ATL1: variants seen among roughly 807,000 people sequenced by gnomAD.
ATL1 encodes atlastin-1.
ATL1 carries 31 observed loss-of-function variants against 75.5 expected under a neutral mutation model. The ratio of observed to expected loss-of-function variants is 0.41; its 90% CI spans 0.31 to 0.55. ATL1 has a LOEUF of 0.55. Among genes scored for constraint, ATL1 ranks in the 20% least tolerant of loss-of-function variants. The probability of loss-of-function intolerance (pLI) is 0.27; values close to 1 mark genes in which losing one functional copy is unlikely to be tolerated. For synonymous variants in ATL1, 226 were observed against 233.3 expected, an observed-to-expected ratio of 0.97 and a Z score of 0.28; for missense variants, 405 against 662.6, an observed-to-expected ratio of 0.61 and a Z score of 4.27.
chr14:50,545,000 A>C (rs1389003395), intron 1 of ATL1, among the ~76,000 whole-genome samples: 2 of 151,378 alleles, frequency 1.3e-5, no homozygotes, highest in Admixed American at 6.6e-5. Context: ...TCACCAGATT[A>C]CTGAAGGGTG....
intron 1 of ATL1, among the ~76,000 whole-genome samples, chr14:50,539,248 G>A (rs947933844): frequency 2.0e-5 from 3 of 152,222 alleles, no homozygotes; most frequent in Admixed American, 2.0e-4. Flanking sequence ...GAGTGTCAGT[G>A]TAGGGCACAA....
At chr14:50,567,244 C>T (rs1014596766) in intron 1 of ATL1, among the ~76,000 whole-genome samples, 2 of 151,972 alleles carry the variant, frequency 1.3e-5, no homozygotes, top group Non-Finnish European at 2.9e-5. Context: ...CTGGCTTTTT[C>T]ACATAGCAAA....
intron 6 of ATL1, among the ~76,000 whole-genome samples, chr14:50,604,134 T>G (rs1253818702): frequency 6.6e-6 from 1 of 152,204 alleles, no homozygotes; most frequent in Non-Finnish European, 1.5e-5. Flanking sequence ...ATTCTCGTCT[T>G]TAATTTTTCT....
chr14:50,602,598 C>T (rs2039281335), intron 6 of ATL1, among the ~76,000 whole-genome samples: 1 of 151,940 alleles, frequency 6.6e-6, no homozygotes, highest in Non-Finnish European at 1.5e-5. Flanking sequence ...CATGGTGGGT[C>T]TGTTTCTAGT....
Position 50,554,270 on chromosome 14 carries a change from A to G in ATL1, c.-139-5857A>G, listed in dbSNP as rs926543324. On this transcript the variant is annotated intron_variant, in intron 1 of 13. Transcript: ENST00000441560. ...TTAAGCTTCTTTGACTCATTCTCAA[A>G]TTGGTTACACACCTTACCTACTCAT... Among the ~76,000 whole-genome samples the G allele has an allele frequency of 3.9e-5, 6 of 152,290 alleles. 1 individual carries two copies. The highest frequency in any genetic ancestry group is 1.4e-4 in the African/African-American group (6 of 41,562).
Position 50,620,811 on chromosome 14 carries a change from G to A in ATL1, c.990+85G>A, listed in dbSNP as rs577772043. ...TCCTATAAACAAAAATTATAGACCC[G>A]ATAATATGGGAGCAAAGGTACGAGG... On this transcript the variant is annotated intron_variant, in intron 9 of 13. Transcript: ENST00000358385. The A allele has an allele frequency of 1.2e-5, 18 of 1,462,282 alleles. No homozygotes were observed. The African/African-American group carries it at 1.4e-4, about 11-fold the overall frequency. 90.6% of individuals were successfully genotyped at this position (1,462,282 alleles called of 1,614,324 possible). A position where few individuals can be genotyped will look rare whatever the true frequency, so the allele number is the denominator to read the frequency against.
intron 1 of ATL1, among the ~76,000 whole-genome samples, chr14:50,575,864 T>A (rs949677799): frequency 3.3e-5 from 5 of 152,176 alleles, no homozygotes; most frequent in Non-Finnish European, 7.4e-5. Flanking sequence ...AGATTCCCCT[T>A]CTACATGGCT....
At chr14:50,587,747 G>T in intron 1 of ATL1, 84 bp from the exon 2 acceptor site, 1 of 1,563,932 alleles carries the variant, frequency 6.4e-7, no homozygotes, top group Non-Finnish European at 8.8e-7. Flanking sequence ...CTCCTGTGTC[G>T]GATGTTTGAG....
intron 1 of ATL1, among the ~76,000 whole-genome samples, chr14:50,541,279 T>C (rs970159768): frequency 2.0e-5 from 3 of 152,328 alleles, no homozygotes; most frequent in South Asian, 2.1e-4. Context: ...ATCATGGTAG[T>C]CTTTTATCTT....
At chr14:50,539,713 A>G (rs1178735776) in intron 1 of ATL1, among the ~76,000 whole-genome samples, 2 of 152,144 alleles carry the variant, frequency 1.3e-5, no homozygotes, top group Non-Finnish European at 1.5e-5. Flanking sequence ...CTTGGAGGAG[A>G]GCTTATACAA....
intron 1 of ATL1, among the ~76,000 whole-genome samples, chr14:50,580,883 A>G (rs2140194359): frequency 6.6e-6 from 1 of 152,208 alleles, no homozygotes; most frequent in Non-Finnish European, 1.5e-5. Context: ...TTTTCTAGGT[A>G]TAACAGTATT....
At chr14:50,584,580 G>A (rs1232074925) in intron 1 of ATL1, among the ~76,000 whole-genome samples, 1 of 151,912 alleles carries the variant, frequency 6.6e-6, no homozygotes, top group African/African-American at 2.4e-5. Context: ...GAGGTGGCGG[G>A]CACCTGTAGT....
intron 1 of ATL1, among the ~76,000 whole-genome samples, chr14:50,586,743 G>A (rs1173099880): frequency 1.3e-5 from 2 of 152,016 alleles, no homozygotes; most frequent in African/African-American, 4.8e-5. Flanking sequence ...GATCTGGGAT[G>A]AAAGTTTTGA....
intron 6 of ATL1, among the ~76,000 whole-genome samples, chr14:50,602,613 C>T (rs1413719014): frequency 6.6e-6 from 1 of 151,790 alleles, no homozygotes; most frequent in Non-Finnish European, 1.5e-5. Flanking sequence ...TCTAGTAGGC[C>T]GGTCTGCAAA....
At chr14:50,535,433 C>T (rs2038479331) in intron 1 of ATL1, among the ~76,000 whole-genome samples, 2 of 151,804 alleles carry the variant, frequency 1.3e-5, no homozygotes, top group Non-Finnish European at 3.0e-5. Context: ...CTGGTAATCT[C>T]CTGATTAATC....
intron 11 of ATL1, among the ~76,000 whole-genome samples, chr14:50,625,849 GCAATGAGTCGAGATCACACCAC>G (rs1433338072): frequency 1.3e-5 from 2 of 150,780 alleles, no homozygotes; most frequent in Admixed American, 6.7e-5. Flanking sequence ...GGCAGAGTTT[GCAATGAGTCGAGATCACACCAC>G]CAGCCTGGGT....
At chr14:50,534,909 T>G (rs1432356096) in intron 1 of ATL1, among the ~76,000 whole-genome samples, 1 of 152,242 alleles carries the variant, frequency 6.6e-6, no homozygotes. Context: ...TAATTTTACA[T>G]CCTAGACAAT....
chr14:50,612,410 T>C (rs569853860), intron 6 of ATL1, among the ~76,000 whole-genome samples: 2 of 152,254 alleles, frequency 1.3e-5, no homozygotes, highest in South Asian at 4.1e-4. Flanking sequence ...CTATATTCCA[T>C]TCAAAGGTAT....
At chr14:50,625,914 G>A (rs2934678) in intron 11 of ATL1, among the ~76,000 whole-genome samples, 1,415 of 134,170 alleles carry the variant, frequency 0.011, 19 homozygotes, top group Middle Eastern at 0.023. Flanking sequence ...AAAAAAAAAA[G>A]AAAAAAAAAA....
Sources: allele counts gnomAD v4.1 joint callset (sites outside exome capture counted in the v4.1 genomes callset), GRCh38; gene constraint gnomAD v4.1.1; transcripts MANE v1.5; gene names NCBI Gene and HGNC (gene_info 2026-07-23, HGNC 2026-07-21).